CTBP2: variants seen among roughly 807,000 people sequenced by gnomAD.
CTBP2 encodes the protein C-terminal-binding protein 2.
A neutral mutation model predicts 80.3 loss-of-function variants in CTBP2; 30 were observed. The ratio of observed to expected loss-of-function variants is 0.37; its 90% CI spans 0.28 to 0.51. The LOEUF (loss-of-function observed/expected upper bound fraction) is 0.51, where lower values mean the gene tolerates loss of function less well. Ranked by LOEUF, CTBP2 falls within the 20% of genes least tolerant of loss-of-function variation. CTBP2 has a pLI of 0.93. For synonymous variants in CTBP2, 594 were observed against 587.4 expected (o/e 1.01, Z -0.16); for missense variants, 1,212 against 1,375.3 (o/e 0.88, Z 1.88).
intron 2 of CTBP2, among the ~76,000 whole-genome samples, chr10:125,046,713 G>A (rs541547834): frequency 1.1e-3 from 160 of 152,200 alleles, no homozygotes; most frequent in African/African-American, 3.7e-3. Flanking sequence ...AATGTACACA[G>A]CAAGTCTCTG....
intron 2 of CTBP2, among the ~76,000 whole-genome samples, chr10:125,049,539 G>A (rs973473576): frequency 6.6e-6 from 1 of 152,180 alleles, no homozygotes; most frequent in African/African-American, 2.4e-5. Context: ...AGTGGGACTT[G>A]CTTTCACTTT....
chr10:125,053,091 GA>G (rs1554889339), intron 2 of CTBP2, among the ~76,000 whole-genome samples: 3 of 136,816 alleles, frequency 2.2e-5, no homozygotes, highest in Admixed American at 6.9e-5. Flanking sequence ...CGAAGAGAGA[GA>G]AAAAAAAAGA....
chr10:125,060,748 G>C (rs1364272085), intron 2 of CTBP2, among the ~76,000 whole-genome samples: 1 of 152,222 alleles, frequency 6.6e-6, no homozygotes, highest in African/African-American at 2.4e-5. Context: ...GGATAAAGAA[G>C]TTTCTCACAG....
At chr10:125,017,454 T>A (rs1177054068) in intron 1 of CTBP2, among the ~76,000 whole-genome samples, 2 of 152,202 alleles carry the variant, frequency 1.3e-5, no homozygotes, top group Non-Finnish European at 1.5e-5. Flanking sequence ...TTCCCACCTA[T>A]CCTTGTGTAC....
intron 1 of CTBP2, among the ~76,000 whole-genome samples, chr10:125,019,015 T>C (rs1360982439): frequency 2.0e-5 from 3 of 152,222 alleles, no homozygotes; most frequent in Non-Finnish European, 4.4e-5. Flanking sequence ...CTAGGTTGGA[T>C]TTTTTGCTCT....
intron 2 of CTBP2, among the ~76,000 whole-genome samples, chr10:125,090,271 G>C (rs1366299214): frequency 9.5e-6 from 1 of 105,468 alleles, no homozygotes; most frequent in Non-Finnish European, 1.8e-5. Context: ...CTGGGCGACA[G>C]AGAGTCCCTG....
intron 1 of CTBP2, among the ~76,000 whole-genome samples, chr10:125,143,395 T>C (rs1565030139): frequency 6.6e-6 from 1 of 152,110 alleles, no homozygotes; most frequent in Non-Finnish European, 1.5e-5. Context: ...GGAGAACTGC[T>C]TGAACCCGGG....
At chr10:125,041,940 AAG>A (rs1207831487) in intron 2 of CTBP2, among the ~76,000 whole-genome samples, 3 of 150,036 alleles carry the variant, frequency 2.0e-5, no homozygotes, top group African/African-American at 7.3e-5. Flanking sequence ...AAAAAAAAAA[AAG>A]AGGCTGACTC....
chr10:125,086,213 A>G (rs568757636), intron 2 of CTBP2, among the ~76,000 whole-genome samples: 1 of 152,280 alleles, frequency 6.6e-6, no homozygotes, highest in East Asian at 1.9e-4. Context: ...TGGAGCACTC[A>G]TGAACGGGAT....
At chr10:125,116,915 T>C (rs941862236) in intron 1 of CTBP2, among the ~76,000 whole-genome samples, 1 of 152,208 alleles carries the variant, frequency 6.6e-6, no homozygotes, top group Admixed American at 6.5e-5. Flanking sequence ...TACAGCAGCA[T>C]GAGGCAGGAT....
intron 1 of CTBP2, among the ~76,000 whole-genome samples, chr10:125,009,906 G>T (rs1038956782): frequency 1.3e-5 from 2 of 152,196 alleles, no homozygotes; most frequent in African/African-American, 2.4e-5. Context: ...TTGTAAACAT[G>T]TTTAACCATG....
rs533079180 is a variant in CTBP2, at chr10:125,116,582, C to T, written c.-205-5489G>A. Among the ~76,000 whole-genome samples, 28 of 152,286 alleles carry T rather than the reference C, an allele frequency of 1.8e-4. 1 individual carries two copies. The South Asian group carries it at 4.6e-3, about 25-fold the overall frequency. ...AGCCCTGGGGATCACGCCCACCCCT[C>T]GGAGGCATCCAGACACAGCTCAGAT... On this transcript the variant is annotated intron_variant, in intron 1 of 10. Coordinates refer to the CTBP2 transcript ENST00000337195.
At chr10:125,088,788 T>A (rs1408344910) in intron 2 of CTBP2, among the ~76,000 whole-genome samples, 1 of 152,206 alleles carries the variant, frequency 6.6e-6, no homozygotes, top group African/African-American at 2.4e-5. Context: ...TACTTCCCAC[T>A]TCTCACCACT....
At chr10:125,044,045 G>A (rs557519979) in intron 2 of CTBP2, among the ~76,000 whole-genome samples, 11 of 152,310 alleles carry the variant, frequency 7.2e-5, no homozygotes, top group African/African-American at 2.4e-4. Context: ...TGAGTGGGGC[G>A]CAGACTTTCT....
At chr10:125,109,224 C>T (rs193083542) in intron 2 of CTBP2, among the ~76,000 whole-genome samples, 135 of 152,322 alleles carry the variant, frequency 8.9e-4, no homozygotes, top group African/African-American at 3.1e-3. Context: ...ATCTATGAAA[C>T]GTAATGATGG....
intron 1 of CTBP2, among the ~76,000 whole-genome samples, chr10:125,159,032 C>T (rs1861454899): frequency 6.6e-6 from 1 of 151,638 alleles, no homozygotes; most frequent in Non-Finnish European, 1.5e-5. Context: ...GGGCCTCCCG[C>T]GGGAGAAAGG....
intron 7 of CTBP2, 50 bp from the exon 10 acceptor site, chr10:124,992,862 AAGTT>A: frequency 7.2e-7 from 1 of 1,391,278 alleles, no homozygotes; most frequent in South Asian, 1.2e-5. Context: ...AAATCACAGT[AAGTT>A]CAACATTACA....
intron 1 of CTBP2, among the ~76,000 whole-genome samples, chr10:125,118,197 T>TCTTTCAG (rs147284777): frequency 7.9e-6 from 1 of 127,164 alleles, no homozygotes; most frequent in South Asian, 2.8e-4. Context: ...ATTCCCCTGC[T>TCTTTCAG]CTTTCAGCTT....
chr10:125,004,907 C>G (rs141839143), intron 1 of CTBP2, among the ~76,000 whole-genome samples: 1 of 152,344 alleles, frequency 6.6e-6, no homozygotes, highest in African/African-American at 2.4e-5. Flanking sequence ...ATCTGTGTGG[C>G]CTCGCCTTCC....
Sources: allele counts gnomAD v4.1 joint callset (sites outside exome capture counted in the v4.1 genomes callset), GRCh38; gene constraint gnomAD v4.1.1; transcripts MANE v1.5; gene names NCBI Gene and HGNC (gene_info 2026-07-23, HGNC 2026-07-21).